Variants in TRAPPC11 observed in about 807,000 individuals in gnomAD.
TRAPPC11 encodes the protein foie gras homolog.
Under a neutral mutation model 151.2 loss-of-function variants are expected in TRAPPC11, and 104 were observed. That is an observed-to-expected ratio of 0.69 (90% CI 0.59 to 0.81). TRAPPC11 has a LOEUF of 0.81. Among genes scored for constraint, TRAPPC11 ranks in the 30% least tolerant of loss-of-function variants. The pLI, the probability that TRAPPC11 is intolerant of heterozygous loss-of-function variation, is 0.00. For missense variants in TRAPPC11, 1,230 were observed against 1,349.6 expected (o/e 0.91, Z 1.39); for synonymous variants, 456 against 472.3 (o/e 0.97, Z 0.45).
chr4:183,681,997 A>G (rs1050902182), intron 10 of TRAPPC11, among the ~76,000 whole-genome samples: 12 of 152,192 alleles, frequency 7.9e-5, no homozygotes, highest in African/African-American at 2.9e-4. Context: ...TTGTTAAAAT[A>G]TGCACTAGTA....
rs886041053 is a variant in TRAPPC11 at position 183,686,751 on chromosome 4, A to G, written c.1893+3A>G. The G allele has an allele frequency of 5.6e-6, 9 of 1,613,858 alleles. No homozygotes were observed. Among genetic ancestry groups the G allele is most frequent in the Non-Finnish European group, 7.6e-6 (9 of 1,179,846 alleles). ...TCTGTGTCAGCTTTAATAATCAGGTAATGATGCCATGTCATGTGTTTTTAC... is the reference window on the plus strand; with the variant it reads ...TCTGTGTCAGCTTTAATAATCAGGTGATGATGCCATGTCATGTGTTTTTAC... On this transcript the variant is annotated splice_donor_region_variant and intron_variant, in intron 18 of 29. Coordinates refer to ENST00000334690, the MANE Select transcript of TRAPPC11 (RefSeq NM_021942.6).
chr4:183,712,637 C>G lies in TRAPPC11; in HGVS notation c.3395C>G (p.Ala1132Gly). ...CTCATGGATGATACCTCTATTGCTGCTGCATGATGTTCAAGACCGGCCCTT... is the reference window on the plus strand; with the variant it reads ...CTCATGGATGATACCTCTATTGCTGGTGCATGATGTTCAAGACCGGCCCTT... ...GRLMDDTSIA[A>G]A Residue 1132 changes from alanine (A) to glycine (G), a missense_variant, in exon 30 of 30, where the codon GCT (alanine) becomes GGT (glycine). By Grantham distance (60) the Ala-to-Gly change is moderately conservative (BLOSUM62 0). Transcript: ENST00000334690. 6.2e-7 allele frequency: 1 copy of G among 1,614,136 alleles called. No individual in the cohort carries two copies. The highest frequency in any genetic ancestry group is 8.5e-7 in the Non-Finnish European group (1 of 1,180,006).
chr4:183,683,338 T>G (rs1213932209), intron 11 of TRAPPC11, among the ~76,000 whole-genome samples: 1 of 152,204 alleles, frequency 6.6e-6, no homozygotes, highest in Non-Finnish European at 1.5e-5. Flanking sequence ...ACTTTATACG[T>G]AATTTAATTC....
Position 183,660,875 on chromosome 4 carries a change from G to A in TRAPPC11, c.-22+1428G>A, listed in dbSNP as rs1038731330. ...ACTATAGGCACGCATCACCATGCCC[G>A]GCTAATTTTTGTATTTTTAGTAGAG... On this transcript the variant is annotated intron_variant, in intron 1 of 29. Transcript: ENST00000334690. Among the ~76,000 whole-genome samples, 7 of 152,096 alleles carry A rather than the reference G, an allele frequency of 4.6e-5. No individual in the cohort carries two copies. The East Asian group carries it at 9.7e-4, about 21-fold the overall frequency.
chr4:183,687,346 T>C lies in TRAPPC11; in HGVS notation c.1893+598T>C, dbSNP rs1300286581. Among the ~76,000 whole-genome samples the C allele has an allele frequency of 3.4e-5, 5 of 146,714 alleles. No individual in the cohort carries two copies. The South Asian group carries it at 8.5e-4, about 25-fold the overall frequency. The stretch of plus-strand genomic sequence containing the variant: ...ATATAGTATATATATACTTTTTTTT[T>C]CTGTCTTTTTTGAGACGGGGTCTCG... On this transcript the variant is annotated intron_variant, in intron 18 of 29. Transcript: ENST00000334690.
intron 25 of TRAPPC11, chr4:183,700,972 C>T (rs1327844113): frequency 6.6e-6 from 1 of 152,254 alleles, no homozygotes; most frequent in Non-Finnish European, 1.5e-5. Flanking sequence ...CTCAGCCTCC[C>T]AAGTAGCTAG....
In TRAPPC11 at chr4:183,675,219, A is replaced by G; in HGVS notation, c.716A>G (p.Asp239Gly). The part of the protein sequence containing the change: ...KIAFFSELKQ[D>G]TQNALKNYRT... ...GCTTTCTTCAGTGAGTTGAAACAAG[A>G]TACACAAAATGCGCTGAAGTAAGTT... Residue 239 changes from aspartate to glycine, a missense_variant, in exon 7 of 30, where the codon GAT becomes GGT. Transcript: ENST00000334690. 1 of 1,542,150 alleles carries G rather than the reference A, an allele frequency of 6.5e-7. No individual in the cohort carries two copies. The highest frequency in any genetic ancestry group is 8.7e-7 in the Non-Finnish European group (1 of 1,143,266).
chr4:183,687,862 T>C (rs1177512164), intron 18 of TRAPPC11, among the ~76,000 whole-genome samples: 1 of 152,204 alleles, frequency 6.6e-6, no homozygotes, highest in Non-Finnish European at 1.5e-5. Flanking sequence ...ACACACCCTC[T>C]ACGTTAACTT....
At chr4:183,676,395 C>A (rs1216500765) in intron 7 of TRAPPC11, among the ~76,000 whole-genome samples, 1 of 152,166 alleles carries the variant, frequency 6.6e-6, no homozygotes, top group African/African-American at 2.4e-5. Context: ...GGTGATCCAC[C>A]CACCTTGGCC....
At chr4:183,686,842 A>G in intron 18 of TRAPPC11, 94 bp downstream of exon 18, 1 of 1,400,486 alleles carries the variant, frequency 7.1e-7, no homozygotes, top group East Asian at 2.3e-5. Context: ...TTATGTCTTA[A>G]TGGTTTCATA....
intron 20 of TRAPPC11, among the ~76,000 whole-genome samples, 166 bp downstream of exon 20, chr4:183,693,313 G>A (rs575939121): frequency 7.0e-4 from 106 of 152,112 alleles, no homozygotes; most frequent in Non-Finnish European, 2.4e-4. Flanking sequence ...CACCTCAGGC[G>A]CTACCCTTGC....
intron 10 of TRAPPC11, among the ~76,000 whole-genome samples, chr4:183,680,679 CTTTTTT>C (rs71589581): frequency 1.7e-4 from 14 of 82,954 alleles, no homozygotes; most frequent in African/African-American, 7.4e-4. Context: ...TATGGAGACT[CTTTTTT>C]TTTTTTTTTT....
At position 183,685,355 on chromosome 4, in the gene TRAPPC11, G is replaced by C; in HGVS notation, c.1714G>C (p.Ala572Pro). The change falls in exon 17 of 30, where the codon GCT becomes CCT. Residue 572 changes from alanine (A) to proline (P), a missense_variant. Physicochemically the swap from Ala to Pro is conservative, Grantham distance 27. Transcript: ENST00000334690. ...QKLWADRISL[A>P]GSNIFTIGVQ... is the part of the protein sequence containing the mutation. ...GCTGTGGGCAGACCGAATTTCTCTG[G>C]CTGGCAGCAATATTTTCACAATAGG... 1 of 1,614,104 alleles carries C rather than the reference G, an allele frequency of 6.2e-7. No individual in the cohort carries two copies. The highest frequency in any genetic ancestry group is 8.5e-7 in the Non-Finnish European group (1 of 1,180,010).
intron 11 of TRAPPC11, chr4:183,683,749 C>T (rs1735818356): frequency 1.9e-6 from 1 of 535,066 alleles, no homozygotes; most frequent in African/African-American, 1.9e-5. Flanking sequence ...TCGTTGATTC[C>T]AGTAGGTAGA....
chr4:183,691,779 T>G (rs1260406757), intron 19 of TRAPPC11, among the ~76,000 whole-genome samples: 1 of 152,154 alleles, frequency 6.6e-6, no homozygotes, highest in Non-Finnish European at 1.5e-5. Flanking sequence ...CAATCTTGTT[T>G]TTTAATGACC....
intron 28 of TRAPPC11, among the ~76,000 whole-genome samples, chr4:183,707,923 C>CT (rs142031641): frequency 0.095 from 14,208 of 149,730 alleles, 781 homozygotes; most frequent in East Asian, 0.14. Context: ...TTCAAAACAT[C>CT]TTTTTTTTTT....
At chr4:183,708,030 A>G (rs944599298) in intron 28 of TRAPPC11, among the ~76,000 whole-genome samples, 1 of 152,220 alleles carries the variant, frequency 6.6e-6, no homozygotes, top group African/African-American at 2.4e-5. Context: ...CATAATGTCT[A>G]CAAGTAGATA....
intron 5 of TRAPPC11, among the ~76,000 whole-genome samples, chr4:183,669,237 G>A (rs1166769920): frequency 1.3e-5 from 2 of 152,176 alleles, no homozygotes; most frequent in Admixed American, 1.3e-4. Context: ...TAATTGCTTA[G>A]AATTCAGAGG....
intron 26 of TRAPPC11, among the ~76,000 whole-genome samples, chr4:183,703,280 G>A (rs1736888438): frequency 1.3e-5 from 2 of 152,234 alleles, no homozygotes; most frequent in South Asian, 4.1e-4. Context: ...ATTTATGTGA[G>A]TTATATGCAT....
Sources: gnomAD v4.1 joint callset for allele counts (sites outside exome capture counted in the v4.1 genomes callset) on GRCh38, gnomAD v4.1.1 for gene constraint, MANE v1.5 for transcripts, NCBI Gene and HGNC (gene_info 2026-07-23, HGNC 2026-07-21) for gene names.